SOS1: variants seen among roughly 807,000 people sequenced by gnomAD.
SOS1 encodes SOS Ras/Rac guanine nucleotide exchange factor 1, also known as son of sevenless homolog 1.
A neutral mutation model predicts 157.6 loss-of-function variants in SOS1; 25 were observed. That is an observed-to-expected ratio of 0.16 (90% CI 0.12 to 0.22). The LOEUF (loss-of-function observed/expected upper bound fraction) is 0.22. Ranked by LOEUF, SOS1 falls within the 10% of genes least tolerant of loss-of-function variation. The pLI, the probability that SOS1 is intolerant of heterozygous loss-of-function variation, is 1.00. For synonymous variants in SOS1, 528 were observed against 534.0 expected, an observed-to-expected ratio of 0.99 and a Z score of 0.16; for missense variants, 1,237 against 1,599.1, an observed-to-expected ratio of 0.77 and a Z score of 3.86.
At position 38,987,467 on chromosome 2, in the gene SOS1, C is replaced by A; in HGVS notation, c.3510+6G>T. On this transcript the variant is annotated splice_donor_region_variant and intron_variant, in intron 22 of 22. Transcript: ENST00000402219. ...AATTTCTACACAACAAGATTTCTTACTTTACCTTAGATGGTGAAGATTCTG... is the reference window on the plus strand; with the variant it reads ...AATTTCTACACAACAAGATTTCTTAATTTACCTTAGATGGTGAAGATTCTG... 1 of 1,438,590 alleles carries A rather than the reference C, an allele frequency of 7.0e-7. No homozygotes were observed. The highest frequency in any genetic ancestry group is 2.3e-5 in the East Asian group (1 of 43,932). The allele number at this position is 1,438,590 out of a possible 1,614,324, so 89.1% of individuals were successfully genotyped here. A position where few individuals can be genotyped will look rare whatever the true frequency, so the allele number is the denominator to read the frequency against.
chr2:39,050,246 CTT>C (rs1366237514), intron 6 of SOS1, among the ~76,000 whole-genome samples: 3 of 152,114 alleles, frequency 2.0e-5, no homozygotes, highest in African/African-American at 7.2e-5. Flanking sequence ...CAGAATGACT[CTT>C]AATGCTAACT....
intron 1 of SOS1, among the ~76,000 whole-genome samples, chr2:39,099,699 G>A (rs1394196892): frequency 6.6e-6 from 1 of 152,010 alleles, no homozygotes; most frequent in Non-Finnish European, 1.5e-5. Context: ...ACAATCAAAA[G>A]GCACCCTACA....
At chr2:39,068,776 C>A (rs1671679200) in intron 1 of SOS1, among the ~76,000 whole-genome samples, 1 of 151,990 alleles carries the variant, frequency 6.6e-6, no homozygotes, top group African/African-American at 2.4e-5. Flanking sequence ...GAATCTCAGG[C>A]CAGTGGCCTC....
chr2:38,994,437 G>A (rs1364623874), intron 20 of SOS1, among the ~76,000 whole-genome samples: 6 of 152,128 alleles, frequency 3.9e-5, no homozygotes, highest in African/African-American at 1.4e-4. Context: ...GGACCACTGG[G>A]TAGACGAAAA....
At chr2:39,053,882 G>A (rs1216844320) in intron 5 of SOS1, among the ~76,000 whole-genome samples, 1 of 151,502 alleles carries the variant, frequency 6.6e-6, no homozygotes, top group Non-Finnish European at 1.5e-5. Context: ...GCAATTTATA[G>A]TTTATATCTC....
At position 39,082,953 on chromosome 2, in the gene SOS1, C is replaced by T. The variant is rs556154364; in HGVS notation, c.88-15200G>A. On this transcript the variant is annotated intron_variant, in intron 1 of 22. Coordinates refer to ENST00000402219, the MANE Select transcript of SOS1 (RefSeq NM_005633.4). ...TATGTGGTCTTGATAGAAAGTTTATCGGTATTAGTAAGGCTTTGGGGAGCT... is the reference window on the plus strand; with the variant it reads ...TATGTGGTCTTGATAGAAAGTTTATTGGTATTAGTAAGGCTTTGGGGAGCT... Among the ~76,000 whole-genome samples the T allele has an allele frequency of 2.2e-4, 33 of 152,192 alleles. 1 individual carries two copies. The highest frequency in any genetic ancestry group is 7.0e-4 in the African/African-American group (29 of 41,534).
At chr2:39,094,675 A>ATAAATAAATAAATAAC (rs1478009404) in intron 1 of SOS1, among the ~76,000 whole-genome samples, 7 of 151,996 alleles carry the variant, frequency 4.6e-5, no homozygotes, top group African/African-American at 1.7e-4. Flanking sequence ...AAATAAATAA[A>ATAAATAAATAAATAAC]TAAATAAAGA....
chr2:39,060,121 GA>G (rs1222028141), intron 2 of SOS1, among the ~76,000 whole-genome samples: 1 of 152,102 alleles, frequency 6.6e-6, no homozygotes, highest in African/African-American at 2.4e-5. Flanking sequence ...TTATTTTACA[GA>G]CTTGTTAATC....
At chr2:39,074,301 G>A (rs1572872835) in intron 1 of SOS1, among the ~76,000 whole-genome samples, 1 of 148,052 alleles carries the variant, frequency 6.8e-6, no homozygotes, top group African/African-American at 2.5e-5. Flanking sequence ...AGTGAGCTGA[G>A]ATCCTGCCAC....
chr2:39,018,615 T>G (rs1470914), intron 10 of SOS1, among the ~76,000 whole-genome samples: 118,957 of 151,618 alleles, frequency 0.78, 49,369 homozygotes, highest in Non-Finnish European at 0.92. Flanking sequence ...AGATTGGAAG[T>G]GATAATCCAA....
intron 6 of SOS1, among the ~76,000 whole-genome samples, chr2:39,044,486 A>AT (rs977441785): frequency 3.3e-5 from 5 of 151,978 alleles, no homozygotes; most frequent in East Asian, 1.9e-4. Context: ...AATTATTCCT[A>AT]TTTTTTCAAA....
In SOS1 at chr2:39,023,252, G is replaced by A. The variant is rs373964715; in HGVS notation, c.1203-27C>T. The A allele has an allele frequency of 1.7e-5, 26 of 1,566,422 alleles. No individual in the cohort carries two copies. In the African/African-American group the frequency reaches 3.4e-4, roughly 20 times the overall value. On this transcript the variant is annotated intron_variant, in intron 9 of 22. Coordinates refer to ENST00000402219, the MANE Select transcript of SOS1 (RefSeq NM_005633.4). ...TGGAATAAAGAAAAAGACATTATTA[G>A]TACATAGATGACAGAAAACCTAGAG... is the stretch of plus-strand genomic sequence containing the variant.
At chr2:39,045,166 C>T (rs1367766134) in intron 6 of SOS1, among the ~76,000 whole-genome samples, 1 of 151,346 alleles carries the variant, frequency 6.6e-6, no homozygotes, top group Non-Finnish European at 1.5e-5. Context: ...ATTTTCAATC[C>T]ACAGTCGGTT....
At chr2:39,040,072 C>T (rs1387210632) in intron 6 of SOS1, among the ~76,000 whole-genome samples, 3 of 151,884 alleles carry the variant, frequency 2.0e-5, no homozygotes, top group Non-Finnish European at 2.9e-5. Context: ...AGTGCAGTGG[C>T]GTGACCTCGG....
chr2:39,014,321 G>A (rs1483405270), intron 11 of SOS1, among the ~76,000 whole-genome samples: 2 of 152,028 alleles, frequency 1.3e-5, no homozygotes, highest in African/African-American at 2.4e-5. Flanking sequence ...TCTAAATCAG[G>A]TGACATAATC....
At chr2:39,086,033 C>G (rs537130998) in intron 1 of SOS1, among the ~76,000 whole-genome samples, 3 of 152,154 alleles carry the variant, frequency 2.0e-5, no homozygotes, top group East Asian at 1.9e-4. Flanking sequence ...TAACCCTGCA[C>G]GAATTACTTA....
chr2:39,019,607 A>G (rs891275260), intron 10 of SOS1, among the ~76,000 whole-genome samples: 1 of 151,668 alleles, frequency 6.6e-6, no homozygotes, highest in African/African-American at 2.4e-5. Flanking sequence ...GATTCCACCT[A>G]AGACCCTGTT....
intron 15 of SOS1, among the ~76,000 whole-genome samples, chr2:39,009,517 C>G (rs2124508990): frequency 6.6e-6 from 1 of 152,214 alleles, no homozygotes; most frequent in Non-Finnish European, 1.5e-5. Context: ...CTTCTCATAA[C>G]TGACTTAAAC....
chr2:39,012,184 T>G lies in SOS1; in HGVS notation c.2332A>C (p.Thr778Pro). Reference sequence around the variant, plus strand: ...CGAGCAATTTCTATTGGGTGTAAGGTGAGCAGGTCAAAAGTCTCTATGTGC... The same window carrying G: ...CGAGCAATTTCTATTGGGTGTAAGGGGAGCAGGTCAAAAGTCTCTATGTGC... ...PGHIETFDLL[T>P]LHPIEIARQL... is the part of the protein sequence containing the mutation. Residue 778 changes from threonine to proline, a missense_variant, in exon 14 of 23, where the codon ACC (threonine) becomes CCC (proline). Thr to Pro is a conservative substitution (Grantham distance 38). This residue lies in a region of SOS1 where 105 missense variants were observed against 236.0 expected (regional missense o/e 0.44). Transcript: ENST00000402219. 1 of 1,613,762 alleles carries G rather than the reference T, an allele frequency of 6.2e-7. No homozygotes were observed. The highest frequency in any genetic ancestry group is 8.5e-7 in the Non-Finnish European group (1 of 1,179,768).
Sources: gnomAD v4.1 joint callset for allele counts (sites outside exome capture counted in the v4.1 genomes callset) on GRCh38, gnomAD v4.1.1 for gene constraint, gnomAD v4.1.1 regional missense constraint, MANE v1.5 for transcripts, NCBI Gene and HGNC (gene_info 2026-07-23, HGNC 2026-07-21) for gene names.